Variants in ERCC8 observed in about 807,000 individuals in gnomAD.
ERCC8 encodes ERCC excision repair 8, CSA ubiquitin ligase complex subunit, also known as DNA excision repair protein ERCC-8.
In ERCC8, 52 loss-of-function variants were observed where a neutral mutation model predicts 54.9. The ratio of observed to expected loss-of-function variants is 0.95; its 90% confidence interval spans 0.76 to 1.19. The LOEUF (loss-of-function observed/expected upper bound fraction) is 1.19, where lower values mean the gene tolerates loss of function less well. Ranked by LOEUF, ERCC8 falls within the 50% of genes most tolerant of loss-of-function variation. The probability of loss-of-function intolerance (pLI) is 0.00; values close to 1 mark genes in which losing one functional copy is unlikely to be tolerated. For synonymous variants in ERCC8, 146 were observed against 157.2 expected (o/e 0.93, Z 0.53); for missense variants, 514 against 466.1 (o/e 1.10, Z -0.95).
intron 5 of ERCC8, among the ~76,000 whole-genome samples, 165 bp downstream of exon 5, chr5:60,904,627 T>TA (rs1561504059): frequency 2.8e-5 from 1 of 35,636 alleles, no homozygotes; most frequent in Admixed American, 2.9e-4. Context: ...ATATAGTGTG[T>TA]GTGTGTGTAT....
chr5:60,873,382 A>G lies in ERCC8; in HGVS notation c.*1233T>C, dbSNP rs1037588276. The stretch of plus-strand genomic sequence containing the variant: ...AGGTCTAACCCTTATACACTTAAAA[A>G]CTCAACAACTGGCTGGGTGCAGTGG... On this transcript the variant is annotated 3_prime_UTR_variant, in exon 12 of 12. Coordinates refer to ENST00000676185, the MANE Select transcript of ERCC8 (RefSeq NM_000082.4). Among the ~76,000 whole-genome samples, 8 of 151,996 alleles carry G rather than the reference A, an allele frequency of 5.3e-5. No homozygotes were observed. Among genetic ancestry groups the G allele is most frequent in the Non-Finnish European group, 1.0e-4 (7 of 68,002 alleles).
In ERCC8 at chr5:60,866,692, A is replaced by G. The variant is rs905674276; in HGVS notation, c.*7923T>C. ...CATAAAACTTTTATAATGACACTCTACCTCTGCCTTCAATGAACTTTAATT... is the reference window on the plus strand; with the variant it reads ...CATAAAACTTTTATAATGACACTCTGCCTCTGCCTTCAATGAACTTTAATT... On this transcript the variant is annotated 3_prime_UTR_variant, in exon 12 of 12. Transcript: ENST00000676185. 19 of 152,182 alleles carry G rather than the reference A, an allele frequency of 1.2e-4. No individual in the cohort carries two copies. The highest frequency in any genetic ancestry group is 4.6e-4 in the African/African-American group (19 of 41,456). The allele number at this position is 152,182 out of a possible 1,614,324, so 9.4% of individuals were successfully genotyped here. A position where few individuals can be genotyped will look rare whatever the true frequency, so the allele number is the denominator to read the frequency against.
intron 4 of ERCC8, among the ~76,000 whole-genome samples, chr5:60,905,161 G>A (rs906640349): frequency 6.6e-6 from 1 of 152,106 alleles, no homozygotes; most frequent in Non-Finnish European, 1.5e-5. Flanking sequence ...CACCCTGGTG[G>A]GGAGGGGGCT....
intron 4 of ERCC8, chr5:60,917,515 A>G (rs1749471458): frequency 6.6e-6 from 1 of 152,050 alleles, no homozygotes; most frequent in South Asian, 2.1e-4. Flanking sequence ...AGTGTAGAAA[A>G]TGTAGAAGGT....
chr5:60,913,998 G>A (rs1749350986), intron 4 of ERCC8, among the ~76,000 whole-genome samples: 1 of 152,116 alleles, frequency 6.6e-6, no homozygotes, highest in African/African-American at 2.4e-5. Context: ...GCTGAGGAGT[G>A]CTTTACTTCC....
chr5:60,942,829 T>C (rs977945239), intron 1 of ERCC8, among the ~76,000 whole-genome samples: 1 of 152,238 alleles, frequency 6.6e-6, no homozygotes, highest in Non-Finnish European at 1.5e-5. Flanking sequence ...AATGTTTTTT[T>C]AGAGGGTGTA....
intron 1 of ERCC8, among the ~76,000 whole-genome samples, chr5:60,933,531 T>TCTACTATATA (rs1749975683): frequency 6.6e-6 from 1 of 152,218 alleles, no homozygotes; most frequent in African/African-American, 2.4e-5. Context: ...GTATTTTCTA[T>TCTACTATATA]CTACTATATA....
At chr5:60,937,815 TTTCCTGGAGCG>T (rs1215110242) in intron 1 of ERCC8, among the ~76,000 whole-genome samples, 2 of 152,084 alleles carry the variant, frequency 1.3e-5, no homozygotes, top group African/African-American at 4.8e-5. Context: ...TCCTCTCCGC[TTTCCTGGAGCG>T]TTCCTGTGGT....
chr5:60,926,076 C>T (rs1476251699), intron 2 of ERCC8, among the ~76,000 whole-genome samples: 5 of 152,092 alleles, frequency 3.3e-5, no homozygotes, highest in African/African-American at 9.7e-5. Flanking sequence ...CCGCCCGCCT[C>T]GGCCTCCCAA....
chr5:60,890,147 A>AAT (rs1213107143), intron 10 of ERCC8, among the ~76,000 whole-genome samples: 2 of 152,190 alleles, frequency 1.3e-5, no homozygotes, highest in African/African-American at 2.4e-5. Flanking sequence ...TGTCAGGCAC[A>AAT]AATTAGGCAA....
At chr5:60,898,089 G>A (rs182540385) in intron 9 of ERCC8, among the ~76,000 whole-genome samples, 187 bp downstream of exon 9, 1 of 152,304 alleles carries the variant, frequency 6.6e-6, no homozygotes, top group East Asian at 1.9e-4. Context: ...TAGGGAGAAT[G>A]TGGTAGGTAG....
chr5:60,887,380 A>G (rs976873061), intron 11 of ERCC8, 60 bp downstream of exon 11: 4 of 1,385,108 alleles, frequency 2.9e-6, no homozygotes, highest in African/African-American at 1.4e-5. Context: ...ACATAAAGTA[A>G]CAAAACATTA....
rs1747891400 is a variant in ERCC8, at chr5:60,872,806, T to C, written c.*1809A>G. ...ACTACATATGATCCAGCAATCCTAATACTGGGCTTATATCCAAAGGATATG... is the reference window on the plus strand; with the variant it reads ...ACTACATATGATCCAGCAATCCTAACACTGGGCTTATATCCAAAGGATATG... On this transcript the variant is annotated 3_prime_UTR_variant, in exon 12 of 12. Coordinates refer to ENST00000676185, the MANE Select transcript of ERCC8 (RefSeq NM_000082.4). Among the ~76,000 whole-genome samples, 1 of 152,242 alleles carries C rather than the reference T, an allele frequency of 6.6e-6. No individual in the cohort carries two copies. The highest frequency in any genetic ancestry group is 2.1e-4 in the South Asian group (1 of 4,836).
At chr5:60,895,880 T>C (rs895457503) in intron 9 of ERCC8, among the ~76,000 whole-genome samples, 4 of 152,354 alleles carry the variant, frequency 2.6e-5, no homozygotes, top group African/African-American at 9.6e-5. Flanking sequence ...CTGGAAAGTG[T>C]TGAATGAGGT....
intron 8 of ERCC8, among the ~76,000 whole-genome samples, chr5:60,899,043 T>C (rs1292579931): frequency 6.7e-6 from 1 of 149,674 alleles, no homozygotes; most frequent in African/African-American, 2.5e-5. Context: ...AACTTTGTGA[T>C]TGTTTTATAT....
chr5:60,939,361 C>T (rs1043076439), intron 1 of ERCC8, among the ~76,000 whole-genome samples: 13 of 152,094 alleles, frequency 8.5e-5, no homozygotes, highest in African/African-American at 2.4e-4. Context: ...TTTTGATTAA[C>T]GTTCTTTCCT....
In ERCC8 at chr5:60,903,726, CAG is replaced by C; in HGVS notation, c.482-12_482-11del. On this transcript the variant is annotated splice_polypyrimidine_tract_variant and intron_variant, in intron 5 of 11. Transcript: ENST00000676185. ...GGTCCTCTAGTACCAACTGTAAAAA[CAG>C]AACCGGTTTAAGATAATTTTATCAT... is the stretch of plus-strand genomic sequence containing the variant. The C allele has an allele frequency of 1.9e-6, 3 of 1,611,672 alleles. No individual in the cohort carries two copies. The highest frequency in any genetic ancestry group is 2.2e-5 in the South Asian group (2 of 90,952).
chr5:60,882,203 G>C (rs746566007), intron 11 of ERCC8, among the ~76,000 whole-genome samples: 94 of 152,104 alleles, frequency 6.2e-4, no homozygotes, highest in Non-Finnish European at 1.2e-3. Context: ...TCCTTTTGAT[G>C]AATATGATAA....
At chr5:60,898,491 C>T (rs970665981) in intron 8 of ERCC8, 91 bp from the exon 9 acceptor site, 1 of 1,439,516 alleles carries the variant, frequency 6.9e-7, no homozygotes. Context: ...TAAAGGACAA[C>T]TACTTGAGTT....
Sources: gnomAD v4.1 joint callset for allele counts (sites outside exome capture counted in the v4.1 genomes callset) on GRCh38, gnomAD v4.1.1 for gene constraint, MANE v1.5 for transcripts, NCBI Gene and HGNC (gene_info 2026-07-23, HGNC 2026-07-21) for gene names.